TENM3: variants seen among roughly 807,000 people sequenced by gnomAD.
TENM3 encodes the protein teneurin transmembrane protein 3.
TENM3 carries 63 observed loss-of-function variants against 255.1 expected under a neutral mutation model. That is an observed-to-expected ratio of 0.25 (90% confidence interval 0.20 to 0.30). The LOEUF is 0.30. Ranked by LOEUF, TENM3 falls within the 10% of genes least tolerant of loss-of-function variation. The probability of loss-of-function intolerance (pLI) is 1.00; values close to 1 mark genes in which losing one functional copy is unlikely to be tolerated. For synonymous variants in TENM3, 1,306 were observed against 1,322.3 expected (o/e 0.99, Z 0.27); for missense variants, 2,929 against 3,461.1 (o/e 0.85, Z 3.86).
chr4:181,792,632 A>G, the TENM3 span, among the ~76,000 whole-genome samples: 4 of 152,218 alleles, frequency 2.6e-5, no homozygotes, highest in Non-Finnish European at 5.9e-5. Flanking sequence ...GAAATCTCAA[A>G]TAGCCTCTTC....
chr4:182,087,143 CCT>C, the TENM3 span, among the ~76,000 whole-genome samples: 2 of 152,126 alleles, frequency 1.3e-5, no homozygotes, highest in Admixed American at 1.3e-4. Flanking sequence ...TGAGTTTCCC[CCT>C]GTCTGTAGGC....
chr4:182,772,816 G>T (rs1341390527), intron 22 of TENM3, among the ~76,000 whole-genome samples: 1 of 151,670 alleles, frequency 6.6e-6, no homozygotes, highest in Non-Finnish European at 1.5e-5. Context: ...TCATTTCAGT[G>T]AACACAGTAA....
the TENM3 span, among the ~76,000 whole-genome samples, chr4:182,104,774 A>T: frequency 1.8e-4 from 27 of 152,158 alleles, no homozygotes; most frequent in East Asian, 3.3e-3. Flanking sequence ...TTGGCCTCCC[A>T]AAGTGCTGGG....
the TENM3 span, among the ~76,000 whole-genome samples, chr4:181,708,263 G>A: frequency 6.6e-6 from 1 of 152,148 alleles, no homozygotes; most frequent in Non-Finnish European, 1.5e-5. Context: ...ATTCTGATAA[G>A]ATATAATTAG....
the TENM3 span, among the ~76,000 whole-genome samples, chr4:182,023,027 G>A: frequency 6.6e-6 from 1 of 152,110 alleles, no homozygotes; most frequent in Non-Finnish European, 1.5e-5. Flanking sequence ...AGACCTAATT[G>A]CTTTTCATGT....
the TENM3 span, among the ~76,000 whole-genome samples, chr4:181,570,595 AAGAG>A: frequency 4.0e-3 from 612 of 151,942 alleles, 3 homozygotes; most frequent in African/African-American, 0.014. Flanking sequence ...AAGAAAGAAA[AAGAG>A]AGGAAGGAAG....
At chr4:182,531,210 A>G (rs1405071925) in intron 3 of TENM3, among the ~76,000 whole-genome samples, 1 of 152,268 alleles carries the variant, frequency 6.6e-6, no homozygotes, top group East Asian at 1.9e-4. Flanking sequence ...CTTCCGAGAC[A>G]TTCAATAAGA....
chr4:181,631,366 C>T, the TENM3 span, among the ~76,000 whole-genome samples: 1 of 151,970 alleles, frequency 6.6e-6, no homozygotes, highest in African/African-American at 2.4e-5. Context: ...CTTGGCTCAC[C>T]GTAACCTCCG....
At chr4:182,018,365 C>T in the TENM3 span, among the ~76,000 whole-genome samples, 2 of 139,704 alleles carry the variant, frequency 1.4e-5, no homozygotes, top group African/African-American at 5.2e-5. Context: ...GAGATGTAAG[C>T]TCAATGGAAG....
chr4:181,911,429 T>C, the TENM3 span, among the ~76,000 whole-genome samples: 1 of 152,206 alleles, frequency 6.6e-6, no homozygotes, highest in East Asian at 1.9e-4. Context: ...TTTTTCTTCC[T>C]TGTTTACCAG....
chr4:182,212,405 G>A (rs540418568), intron 1 of TENM3, among the ~76,000 whole-genome samples: 8 of 152,278 alleles, frequency 5.3e-5, no homozygotes, highest in Middle Eastern at 3.4e-3. Flanking sequence ...GCAAGAACGC[G>A]CCTGGAGTCT....
At chr4:182,102,436 T>C in the TENM3 span, among the ~76,000 whole-genome samples, 1 of 152,188 alleles carries the variant, frequency 6.6e-6, no homozygotes, top group African/African-American at 2.4e-5. Flanking sequence ...TTACTGGCAA[T>C]GATTAGCAGA....
At chr4:181,903,058 C>A in the TENM3 span, among the ~76,000 whole-genome samples, 1 of 152,044 alleles carries the variant, frequency 6.6e-6, no homozygotes, top group African/African-American at 2.4e-5. Context: ...ATTGCTTTAT[C>A]CATGAGTGGT....
At chr4:182,739,223 CT>C (rs1178686191) in intron 18 of TENM3, among the ~76,000 whole-genome samples, 14 of 152,084 alleles carry the variant, frequency 9.2e-5, no homozygotes, top group Middle Eastern at 3.2e-3. Flanking sequence ...TGAATATGCT[CT>C]GAAGAAACAT....
the TENM3 span, among the ~76,000 whole-genome samples, chr4:181,479,355 C>G: frequency 3.3e-5 from 5 of 152,122 alleles, no homozygotes; most frequent in African/African-American, 4.8e-5. Context: ...CATCACAAAG[C>G]AAGTAACTAA....
At chr4:182,730,664 G>GA (rs202196243) in intron 15 of TENM3, among the ~76,000 whole-genome samples, 5 of 150,982 alleles carry the variant, frequency 3.3e-5, no homozygotes, top group Admixed American at 6.6e-5. Flanking sequence ...AGCAAATTTG[G>GA]AAAAAAAAAT....
chr4:182,486,439 C>A (rs1205682749), intron 3 of TENM3, among the ~76,000 whole-genome samples: 3 of 152,046 alleles, frequency 2.0e-5, no homozygotes, highest in Admixed American at 6.6e-5. Flanking sequence ...CCCAGAGACA[C>A]CTCCTTTGTA....
chr4:182,351,549 G>A (rs1292291114), intron 3 of TENM3, among the ~76,000 whole-genome samples: 4 of 152,126 alleles, frequency 2.6e-5, no homozygotes, highest in Admixed American at 6.5e-5. Context: ...CTGGAGGGGC[G>A]GAGCTCTCCT....
chr4:181,691,660 G>A, the TENM3 span, among the ~76,000 whole-genome samples: 14 of 152,136 alleles, frequency 9.2e-5, no homozygotes, highest in South Asian at 2.7e-3. Flanking sequence ...CAAAAGTTGC[G>A]AGAACTAGTG....
Sources: allele counts gnomAD v4.1 joint callset (sites outside exome capture counted in the v4.1 genomes callset), GRCh38; gene constraint gnomAD v4.1.1; transcripts MANE v1.5; gene names NCBI Gene and HGNC (gene_info 2026-07-23, HGNC 2026-07-21).